SMYD3: variants seen among roughly 807,000 people sequenced by gnomAD.
SMYD3 encodes the protein histone-lysine N-methyltransferase SMYD3.
In SMYD3, 36 loss-of-function variants were observed where a neutral mutation model predicts 57.7. The ratio of observed to expected loss-of-function variants is 0.62; its 90% CI spans 0.48 to 0.82. The LOEUF (loss-of-function observed/expected upper bound fraction) is 0.82. Among genes scored for constraint, SMYD3 ranks in the 40% least tolerant of loss-of-function variants. The pLI, the probability that SMYD3 is intolerant of heterozygous loss-of-function variation, is 0.00. For missense variants in SMYD3, 515 were observed against 538.8 expected, an observed-to-expected ratio of 0.96 and a Z score of 0.44; for synonymous variants, 211 against 195.0, an observed-to-expected ratio of 1.08 and a Z score of -0.68.
chr1:246,442,680 G>A (rs1314630786), intron 1 of SMYD3, among the ~76,000 whole-genome samples: 1 of 152,168 alleles, frequency 6.6e-6, no homozygotes, highest in Non-Finnish European at 1.5e-5. Flanking sequence ...AGACCAGTTG[G>A]AGGTTAAGTT....
intron 1 of SMYD3, among the ~76,000 whole-genome samples, chr1:246,408,483 C>A (rs2066905474): frequency 6.6e-6 from 1 of 152,026 alleles, no homozygotes; most frequent in Non-Finnish European, 1.5e-5. Context: ...GTTGCTGTTT[C>A]CTATCAATAT....
intron 5 of SMYD3, among the ~76,000 whole-genome samples, chr1:245,933,088 T>C (rs371133690): frequency 1.2e-4 from 19 of 152,272 alleles, no homozygotes; most frequent in East Asian, 5.8e-4. Flanking sequence ...AGATAATATG[T>C]CCATGTGTGC....
At chr1:246,411,840 G>GGAGA (rs2066977012) in intron 1 of SMYD3, among the ~76,000 whole-genome samples, 3 of 120,536 alleles carry the variant, frequency 2.5e-5, no homozygotes, top group Non-Finnish European at 3.5e-5. Context: ...TTGGGGGAGG[G>GGAGA]GGGAGGGATA....
intron 11 of SMYD3, among the ~76,000 whole-genome samples, chr1:245,751,790 G>T (rs2045391045): frequency 6.6e-6 from 1 of 152,158 alleles, no homozygotes; most frequent in African/African-American, 2.4e-5. Flanking sequence ...GCTGGCGGTG[G>T]GAATTGACTT....
intron 5 of SMYD3, among the ~76,000 whole-genome samples, chr1:246,213,352 A>G (rs1010818448): frequency 6.6e-5 from 10 of 152,186 alleles, no homozygotes; most frequent in Admixed American, 3.9e-4. Context: ...GGTGAAGTAC[A>G]TTGGCTAGGG....
chr1:246,353,930 G>T (rs2065871798), intron 2 of SMYD3, among the ~76,000 whole-genome samples: 1 of 152,200 alleles, frequency 6.6e-6, no homozygotes, highest in Non-Finnish European at 1.5e-5. Context: ...GCCAGAATTA[G>T]CATGAGAACC....
At chr1:245,846,229 G>A (rs542118293) in intron 10 of SMYD3, among the ~76,000 whole-genome samples, 1 of 152,316 alleles carries the variant, frequency 6.6e-6, no homozygotes, top group Non-Finnish European at 1.5e-5. Flanking sequence ...GAAAGCAAAG[G>A]AGCCAGACGT....
chr1:245,846,642 C>A (rs1205562115), intron 10 of SMYD3, among the ~76,000 whole-genome samples: 1 of 152,238 alleles, frequency 6.6e-6, no homozygotes, highest in Non-Finnish European at 1.5e-5. Flanking sequence ...CCTTCTCACT[C>A]TGGCTGTGAG....
intron 8 of SMYD3, among the ~76,000 whole-genome samples, chr1:245,911,522 T>TAC (rs1159054520): frequency 2.7e-5 from 4 of 150,408 alleles, no homozygotes; most frequent in Non-Finnish European, 4.4e-5. Context: ...CACACACATA[T>TAC]ACACACACAC....
intron 1 of SMYD3, among the ~76,000 whole-genome samples, chr1:246,464,600 T>G (rs1347501188): frequency 6.6e-6 from 1 of 152,180 alleles, no homozygotes; most frequent in Non-Finnish European, 1.5e-5. Context: ...CCAGGACCCA[T>G]GTGAAGGGTT....
Position 246,426,415 on chromosome 1 carries a change from C to T in SMYD3, c.165-71321G>A, listed in dbSNP as rs138511741. Among the ~76,000 whole-genome samples the T allele has an allele frequency of 2.4e-3, 360 of 151,516 alleles. 1 individual carries two copies. The highest frequency in any genetic ancestry group is 4.1e-3 in the Non-Finnish European group (280 of 67,822). On this transcript the variant is annotated intron_variant, in intron 1 of 11. Coordinates refer to ENST00000490107, the MANE Select transcript of SMYD3 (RefSeq NM_001167740.2). ...CATTAGGAGTTACTCCCTATCCCTACCCCATCTCGACCTCCCAGCCCTACA... is the reference window on the plus strand; with the variant it reads ...CATTAGGAGTTACTCCCTATCCCTATCCCATCTCGACCTCCCAGCCCTACA...
intron 1 of SMYD3, among the ~76,000 whole-genome samples, chr1:246,384,745 A>G (rs185071397): frequency 1.3e-5 from 2 of 152,312 alleles, no homozygotes; most frequent in African/African-American, 4.8e-5. Flanking sequence ...AAGTATCACA[A>G]TTACTGTCCT....
chr1:246,400,492 TC>T (rs1449458057), intron 1 of SMYD3, among the ~76,000 whole-genome samples: 1 of 152,216 alleles, frequency 6.6e-6, no homozygotes, highest in Non-Finnish European at 1.5e-5. Flanking sequence ...CGCCCGAGCC[TC>T]CCAAGTAACT....
chr1:246,437,435 GTGC>G (rs2067396982), intron 1 of SMYD3, among the ~76,000 whole-genome samples: 2 of 151,936 alleles, frequency 1.3e-5, no homozygotes, highest in Admixed American at 1.3e-4. Flanking sequence ...AGGTAAGCAA[GTGC>G]TGATGTCTTT....
intron 5 of SMYD3, among the ~76,000 whole-genome samples, chr1:246,007,310 G>A (rs954197904): frequency 3.0e-4 from 46 of 152,282 alleles, no homozygotes; most frequent in East Asian, 1.5e-3. Context: ...GATGGGATGA[G>A]GTGCTTTCTC....
intron 10 of SMYD3, among the ~76,000 whole-genome samples, chr1:245,826,175 A>G (rs191395722): frequency 6.6e-6 from 1 of 151,842 alleles, no homozygotes; most frequent in East Asian, 2.0e-4. Context: ...TGCAAAACTG[A>G]AACTCTATAC....
intron 1 of SMYD3, among the ~76,000 whole-genome samples, chr1:246,462,773 A>T (rs1452212312): frequency 6.6e-6 from 1 of 152,256 alleles, no homozygotes; most frequent in Non-Finnish European, 1.5e-5. Context: ...ACAGATTAGT[A>T]AATAAGAAAT....
At chr1:245,777,677 C>A (rs2046659665) in intron 10 of SMYD3, among the ~76,000 whole-genome samples, 1 of 152,146 alleles carries the variant, frequency 6.6e-6, no homozygotes, top group Non-Finnish European at 1.5e-5. Context: ...GCCTTATAGG[C>A]TCAAGGTATT....
At chr1:245,977,002 G>A (rs1437936757) in intron 5 of SMYD3, among the ~76,000 whole-genome samples, 1 of 97,970 alleles carries the variant, frequency 1.0e-5, no homozygotes, top group African/African-American at 4.5e-5. Flanking sequence ...ATCGTCTCTA[G>A]CCCAGGGAAA....
Sources: allele counts gnomAD v4.1 joint callset (sites outside exome capture counted in the v4.1 genomes callset), GRCh38; gene constraint gnomAD v4.1.1; transcripts MANE v1.5; gene names NCBI Gene and HGNC (gene_info 2026-07-23, HGNC 2026-07-21).